JAK2: variants seen among roughly 807,000 people sequenced by gnomAD.
JAK2 encodes Janus kinase 2.
A neutral mutation model predicts 139.3 loss-of-function variants in JAK2; 86 were observed. The observed-to-expected ratio is 0.62, with a 90% CI of 0.52 to 0.74. The LOEUF is 0.74. Among genes scored for constraint, JAK2 ranks in the 30% least tolerant of loss-of-function variants. The probability of loss-of-function intolerance (pLI) is 0.00; values close to 1 mark genes in which losing one functional copy is unlikely to be tolerated. For synonymous variants in JAK2, 490 were observed against 437.7 expected, an observed-to-expected ratio of 1.12 and a Z score of -1.49; for missense variants, 1,421 against 1,360.3, an observed-to-expected ratio of 1.04 and a Z score of -0.70.
chr9:5,010,167 C>T (rs1391480777), intron 2 of JAK2, among the ~76,000 whole-genome samples: 1 of 152,172 alleles, frequency 6.6e-6, no homozygotes, highest in East Asian at 1.9e-4. Context: ...TTCTGATTTG[C>T]TGATAGCACC....
At chr9:5,004,317 G>C (rs1162786085) in intron 2 of JAK2, among the ~76,000 whole-genome samples, 1 of 152,062 alleles carries the variant, frequency 6.6e-6, no homozygotes, top group African/African-American at 2.4e-5. Flanking sequence ...GGTAACTGCT[G>C]TTCTACTTAC....
chr9:5,039,195 T>G (rs1787308640), intron 4 of JAK2, among the ~76,000 whole-genome samples: 1 of 152,096 alleles, frequency 6.6e-6, no homozygotes, highest in African/African-American at 2.4e-5. Context: ...GGCATTTATA[T>G]TGGAAAATAA....
At chr9:5,057,376 CTT>C (rs963644116) in intron 8 of JAK2, among the ~76,000 whole-genome samples, 3 of 151,836 alleles carry the variant, frequency 2.0e-5, no homozygotes, top group African/African-American at 7.3e-5. Flanking sequence ...ATTTATTTCT[CTT>C]TATAATTTTG....
At chr9:5,018,177 T>C (rs1822193183) in intron 2 of JAK2, among the ~76,000 whole-genome samples, 1 of 152,192 alleles carries the variant, frequency 6.6e-6, no homozygotes, top group African/African-American at 2.4e-5. Flanking sequence ...TTTGTTCTTT[T>C]CTTTCTCTCA....
intron 6 of JAK2, among the ~76,000 whole-genome samples, chr9:5,051,506 C>A (rs929259854): frequency 6.6e-6 from 1 of 151,990 alleles, no homozygotes; most frequent in African/African-American, 2.4e-5. Flanking sequence ...GAGTTGAAGC[C>A]CACAAATATG....
intron 5 of JAK2, among the ~76,000 whole-genome samples, chr9:5,048,161 A>G (rs1817154105): frequency 6.6e-6 from 1 of 150,768 alleles, no homozygotes; most frequent in Admixed American, 6.6e-5. Flanking sequence ...TTTTTTTTTG[A>G]GATGGAGTCT....
chr9:5,045,044 T>C (rs961319795), intron 5 of JAK2, among the ~76,000 whole-genome samples: 6 of 152,350 alleles, frequency 3.9e-5, no homozygotes, highest in African/African-American at 1.2e-4. Context: ...CTAATACAGT[T>C]ATGTCAAATT....
intron 2 of JAK2, among the ~76,000 whole-genome samples, chr9:5,004,847 A>T (rs1013609984): frequency 6.6e-6 from 1 of 151,172 alleles, no homozygotes; most frequent in African/African-American, 2.4e-5. Context: ...GTGAGATCTC[A>T]CTATGGTTTT....
chr9:5,043,252 T>C (rs1816750762), intron 4 of JAK2, among the ~76,000 whole-genome samples: 1 of 151,980 alleles, frequency 6.6e-6, no homozygotes, highest in Admixed American at 6.5e-5. Flanking sequence ...TTACCAAGTG[T>C]ACGGAAATGG....
At chr9:5,043,728 A>C (rs1032515820) in intron 4 of JAK2, among the ~76,000 whole-genome samples, 1 of 152,246 alleles carries the variant, frequency 6.6e-6, no homozygotes, top group Non-Finnish European at 1.5e-5. Flanking sequence ...GATACAGAAA[A>C]AGTGGTATAT....
At chr9:5,025,538 CT>C (rs34901657) in intron 3 of JAK2, among the ~76,000 whole-genome samples, 91 of 140,282 alleles carry the variant, frequency 6.5e-4, no homozygotes, top group Non-Finnish European at 7.7e-4. Flanking sequence ...AGTTTGTTTC[CT>C]TTTTTTTTTT....
At chr9:5,059,295 G>A (rs1194149511) in intron 8 of JAK2, among the ~76,000 whole-genome samples, 1 of 152,054 alleles carries the variant, frequency 6.6e-6, no homozygotes, top group Non-Finnish European at 1.5e-5. Context: ...ATTAATAAAG[G>A]TTGTATAAAT....
rs1216770146 is a variant in JAK2 at position 5,069,935 on chromosome 9, CCTT to C, written c.1527_1529del (p.Leu510del). The C allele has an allele frequency of 6.3e-7, 1 of 1,595,012 alleles. No individual in the cohort carries two copies. The highest frequency in any genetic ancestry group is 1.3e-5 in the African/African-American group (1 of 74,436). On this transcript the variant is annotated inframe_deletion, in exon 12 of 25. Coordinates refer to ENST00000381652, the MANE Select transcript of JAK2 (RefSeq NM_004972.4). Reference sequence around the variant, plus strand: ...ATTTTATTTTTTCAGATAAATCAAACCTTCTAGTCTTCAGAACGAATGGTGTTT... The same window carrying C: ...ATTTTATTTTTTCAGATAAATCAAACCTAGTCTTCAGAACGAATGGTGTTT...
intron 22 of JAK2, among the ~76,000 whole-genome samples, chr9:5,116,700 G>A (rs1241684194): frequency 6.6e-6 from 1 of 152,178 alleles, no homozygotes; most frequent in East Asian, 1.9e-4. Context: ...GGGATATGAA[G>A]ATAGGCTTAG....
intron 2 of JAK2, among the ~76,000 whole-genome samples, chr9:4,998,925 C>T (rs1587805449): frequency 1.3e-5 from 2 of 151,968 alleles, no homozygotes; most frequent in Admixed American, 1.3e-4. Flanking sequence ...GGGTTCACGC[C>T]ATTCTCCTGC....
intron 22 of JAK2, chr9:5,108,649 T>C (rs542521717): frequency 7.2e-5 from 11 of 152,204 alleles, no homozygotes; most frequent in East Asian, 1.9e-4. Context: ...GGCTGCGGTA[T>C]AATACGGCTT....
chr9:5,069,886 T>C, intron 11 of JAK2, 39 bp from the exon 12 acceptor site: 1 of 1,358,290 alleles, frequency 7.4e-7, no homozygotes, highest in South Asian at 1.4e-5. Flanking sequence ...ATACTTTCAG[T>C]GTATTTTGAA....
At chr9:5,007,238 TTTAAGA>T (rs1203486380) in intron 2 of JAK2, among the ~76,000 whole-genome samples, 1 of 152,182 alleles carries the variant, frequency 6.6e-6, no homozygotes, top group East Asian at 1.9e-4. Context: ...TGTGTATGAA[TTTAAGA>T]TTATGAATAT....
chr9:5,071,692 C>T (rs773504966), intron 12 of JAK2, among the ~76,000 whole-genome samples: 1 of 152,138 alleles, frequency 6.6e-6, no homozygotes, highest in Non-Finnish European at 1.5e-5. Context: ...AGACCCAACT[C>T]ATATCTGAGC....
Sources: gnomAD v4.1 joint callset for allele counts (sites outside exome capture counted in the v4.1 genomes callset) on GRCh38, gnomAD v4.1.1 for gene constraint, MANE v1.5 for transcripts, NCBI Gene and HGNC (gene_info 2026-07-23, HGNC 2026-07-21) for gene names.